Variants in UIMC1 observed in about 807,000 individuals in gnomAD.
UIMC1 encodes ubiquitin interaction motif containing 1.
A neutral mutation model predicts 84.9 loss-of-function variants in UIMC1; 42 were observed. That is an observed-to-expected ratio of 0.49 (90% confidence interval 0.39 to 0.64). The LOEUF (loss-of-function observed/expected upper bound fraction) is 0.64. Ranked by LOEUF, UIMC1 falls within the 30% of genes least tolerant of loss-of-function variation. UIMC1 has a pLI of 0.00. For synonymous variants in UIMC1, 281 were observed against 293.0 expected (o/e 0.96, Z 0.42); for missense variants, 825 against 847.6 (o/e 0.97, Z 0.33).
chr5:176,924,837 A>C (rs1371698380), intron 10 of UIMC1, among the ~76,000 whole-genome samples: 1 of 151,954 alleles, frequency 6.6e-6, no homozygotes, highest in East Asian at 1.9e-4. Context: ...TCAGGAGATC[A>C]AGACCATCCT....
chr5:176,941,013 T>C (rs1764353181), intron 10 of UIMC1, among the ~76,000 whole-genome samples: 1 of 152,222 alleles, frequency 6.6e-6, no homozygotes. Flanking sequence ...ACTGTCACCC[T>C]ATATGGGAAC....
intron 10 of UIMC1, among the ~76,000 whole-genome samples, chr5:176,923,892 C>CACACATAG (rs1283434245): frequency 2.8e-4 from 35 of 126,664 alleles, no homozygotes; most frequent in African/African-American, 1.3e-3. Flanking sequence ...TATATATACA[C>CACACATAG]ACACACAGAC....
intron 1 of UIMC1, among the ~76,000 whole-genome samples, chr5:176,999,807 T>C (rs1228431715): frequency 6.6e-6 from 1 of 152,216 alleles, no homozygotes; most frequent in East Asian, 1.9e-4. Context: ...CATCTGTTGA[T>C]GGACACAGAT....
At chr5:176,998,345 T>A (rs573748412) in intron 1 of UIMC1, among the ~76,000 whole-genome samples, 243 of 150,640 alleles carry the variant, frequency 1.6e-3, no homozygotes, top group African/African-American at 5.7e-3. Flanking sequence ...ATGTCTGTAA[T>A]CTCAGGTACT....
At chr5:176,947,225 A>G (rs148923962) in intron 9 of UIMC1, among the ~76,000 whole-genome samples, 1 of 152,304 alleles carries the variant, frequency 6.6e-6, no homozygotes, top group African/African-American at 2.4e-5. Flanking sequence ...TCCCAGCATC[A>G]TTTAAAAAGT....
chr5:176,913,170 CCAT>C (rs1760488397), intron 10 of UIMC1, among the ~76,000 whole-genome samples: 1 of 152,192 alleles, frequency 6.6e-6, no homozygotes, highest in Non-Finnish European at 1.5e-5. Flanking sequence ...TAAAATGCAA[CCAT>C]CATCAAAGGA....
chr5:176,984,282 G>A (rs1307481498), intron 1 of UIMC1, among the ~76,000 whole-genome samples: 23 of 113,674 alleles, frequency 2.0e-4, no homozygotes, highest in Non-Finnish European at 3.3e-4. Flanking sequence ...TGTGAGGAGC[G>A]CCTCTGCCGG....
upstream of UIMC1, among the ~76,000 whole-genome samples, chr5:177,010,961 G>A (rs991247146): frequency 1.3e-5 from 2 of 152,140 alleles, no homozygotes; most frequent in African/African-American, 4.8e-5. Context: ...GGGAGGCAAA[G>A]GTGGGGAGAT....
chr5:176,905,226 T>C lies in UIMC1; in HGVS notation c.*56A>G, dbSNP rs1217164529. On this transcript the variant is annotated 3_prime_UTR_variant, in exon 15 of 15. Transcript: ENST00000511320. Reference sequence around the variant, plus strand: ...TGAACTAGGGACCACTATGGCTTAATGAACATGGCCCACCCCTCCTACTAA... The same window carrying C: ...TGAACTAGGGACCACTATGGCTTAACGAACATGGCCCACCCCTCCTACTAA... 7.6e-6 allele frequency: 12 copies of C among 1,584,320 alleles called. No homozygotes were observed. Among genetic ancestry groups the C allele is most frequent in the Non-Finnish European group, 1.0e-5 (12 of 1,160,868 alleles).
intron 10 of UIMC1, among the ~76,000 whole-genome samples, chr5:176,938,064 C>A (rs1763921355): frequency 6.6e-6 from 1 of 151,922 alleles, no homozygotes; most frequent in Admixed American, 6.6e-5. Context: ...ATGGCATGCA[C>A]CTGTGGTCCC....
chr5:176,914,032 TACCATAC>T (rs202096905), intron 10 of UIMC1, among the ~76,000 whole-genome samples: 15,066 of 136,840 alleles, frequency 0.11, 1,009 homozygotes, highest in East Asian at 0.19. Context: ...CACCATACCA[TACCATAC>T]ACCATACCAT....
chr5:177,009,832 C>A (rs1775505213), upstream of UIMC1, among the ~76,000 whole-genome samples: 1 of 151,886 alleles, frequency 6.6e-6, no homozygotes, highest in Admixed American at 6.6e-5. This position sits in a 1 kb window ranked among gnomAD's most constrained non-coding sequence, Gnocchi z 4.3. Context: ...GTCAGGAGTT[C>A]GAGACCAGTC....
intron 6 of UIMC1, among the ~76,000 whole-genome samples, chr5:176,959,849 T>C (rs1767113593): frequency 6.6e-6 from 1 of 151,204 alleles, no homozygotes; most frequent in Non-Finnish European, 1.5e-5. Context: ...CTGACCAACA[T>C]GGAGAAATCC....
chr5:176,936,014 C>T (rs1349149052), intron 10 of UIMC1, among the ~76,000 whole-genome samples: 1 of 152,174 alleles, frequency 6.6e-6, no homozygotes, highest in Non-Finnish European at 1.5e-5. Flanking sequence ...CTCCTATAAT[C>T]TATTTCTCCC....
chr5:176,968,360 G>C lies in UIMC1; in HGVS notation c.1200+195C>G, dbSNP rs533591184. ...TGCACTCCAGCCTGGGAGACAGAGC[G>C]AGACTCCAACTCAAAAAAAAAAAAA... On this transcript the variant is annotated intron_variant, in intron 6 of 14. Transcript: ENST00000511320. Among the ~76,000 whole-genome samples the C allele has an allele frequency of 7.4e-4, 112 of 150,518 alleles. No individual in the cohort carries two copies. The Middle Eastern group carries it at 0.017, about 23-fold the overall frequency.
intron 1 of UIMC1, among the ~76,000 whole-genome samples, chr5:176,989,213 AT>A (rs1339146550): frequency 6.6e-6 from 1 of 152,188 alleles, no homozygotes; most frequent in South Asian, 2.1e-4. Context: ...CACTTAAAGG[AT>A]TAAAAAATTC....
At chr5:177,013,080 C>CAAAA (rs35280210) in intron 1 of UIMC1, among the ~76,000 whole-genome samples, 3 of 131,624 alleles carry the variant, frequency 2.3e-5, no homozygotes, top group South Asian at 2.4e-4. Flanking sequence ...GATCTTGTAT[C>CAAAA]AAAAAAAAAA....
intron 1 of UIMC1, among the ~76,000 whole-genome samples, chr5:176,990,130 G>A (rs1361808347): frequency 6.6e-6 from 1 of 151,136 alleles, no homozygotes; most frequent in Admixed American, 6.6e-5. Context: ...GCAGTGAGCC[G>A]AGATCGAGCC....
At chr5:177,001,451 C>T (rs570087996) in intron 1 of UIMC1, 1 of 152,226 alleles carries the variant, frequency 6.6e-6, no homozygotes, top group African/African-American at 2.4e-5. Flanking sequence ...ACATAGTAAA[C>T]ATATCAATTC....
Sources: gnomAD v4.1 joint callset for allele counts (sites outside exome capture counted in the v4.1 genomes callset) on GRCh38, gnomAD v4.1.1 for gene constraint, Gnocchi (gnomAD v3.1) non-coding constraint, MANE v1.5 for transcripts, NCBI Gene and HGNC (gene_info 2026-07-23, HGNC 2026-07-21) for gene names.